AJAP1: variants seen among roughly 807,000 people sequenced by gnomAD.
AJAP1 encodes the protein adherens junctions associated protein 1, also known as adherens junction-associated protein 1.
A neutral mutation model predicts 35.0 loss-of-function variants in AJAP1; 5 were observed. The ratio of observed to expected loss-of-function variants is 0.14; its 90% confidence interval spans 0.07 to 0.30. The LOEUF is 0.30. Ranked by LOEUF, AJAP1 falls within the 10% of genes least tolerant of loss-of-function variation. The pLI is 1.00. For missense variants in AJAP1, 586 were observed against 571.0 expected (o/e 1.03, Z -0.27); for synonymous variants, 284 against 249.3 (o/e 1.14, Z -1.31).
chr1:4,703,938 C>T (rs916656066), intron 1 of AJAP1, among the ~76,000 whole-genome samples: 5 of 152,196 alleles, frequency 3.3e-5, no homozygotes, highest in Non-Finnish European at 4.4e-5. Flanking sequence ...GGCTGTCTGC[C>T]CTCCGGATGG....
intron 2 of AJAP1, among the ~76,000 whole-genome samples, chr1:4,764,000 G>C (rs1444256059): frequency 6.6e-6 from 1 of 151,922 alleles, no homozygotes; most frequent in East Asian, 1.9e-4. Flanking sequence ...CCACTGACCT[G>C]AACCCCCTGT....
chr1:4,778,076 G>A (rs935654609), intron 5 of AJAP1, among the ~76,000 whole-genome samples: 5 of 152,154 alleles, frequency 3.3e-5, no homozygotes, highest in Non-Finnish European at 5.9e-5. Flanking sequence ...TTTTGCAAAA[G>A]CAGACAGTGG....
chr1:4,655,578 G>A lies in AJAP1; in HGVS notation c.29+124G>A, dbSNP rs1638859948. On this transcript the variant is annotated intron_variant, in intron 1 of 5. Coordinates refer to ENST00000378191, the MANE Select transcript of AJAP1 (RefSeq NM_018836.4). This position sits in a 1 kb window ranked among gnomAD's most constrained non-coding sequence, Gnocchi z 6.9. ...TTCGCTTCCCGCAAGCGGGCAACGG[G>A]GTGCACCGGTAGCCGGAAAGGGGCG... 1.6e-6 allele frequency: 2 copies of A among 1,248,384 alleles called. No individual in the cohort carries two copies. The highest frequency in any genetic ancestry group is 1.6e-5 in the African/African-American group (1 of 63,068). 77.3% of individuals were successfully genotyped at this position (1,248,384 alleles called of 1,614,324 possible).
chr1:4,733,059 T>C (rs1276649424), intron 2 of AJAP1, among the ~76,000 whole-genome samples: 2 of 152,186 alleles, frequency 1.3e-5, no homozygotes, highest in African/African-American at 4.8e-5. Context: ...ATTAAGAAGC[T>C]GTTAAAATGC....
chr1:4,712,303 GC>G lies in AJAP1; in HGVS notation c.437del (p.Pro146ArgfsTer7). On this transcript the variant is annotated frameshift_variant, in exon 2 of 6. Coordinates refer to ENST00000378191, the MANE Select transcript of AJAP1 (RefSeq NM_018836.4). LOFTEE classifies it high-confidence loss of function. ...SSSSSAVAGG[A>X]PEQQALLRRG... Reference sequence around the variant, plus strand: ...CTCGTCCTCCGCGGTGGCCGGTGGGGCCCCGGAGCAGCAGGCCCTCCTGAGG... The same window carrying G: ...CTCGTCCTCCGCGGTGGCCGGTGGGGCCCGGAGCAGCAGGCCCTCCTGAGG... 1.3e-6 allele frequency: 2 copies of G among 1,491,772 alleles called. No individual in the cohort carries two copies. Among genetic ancestry groups the G allele is most frequent in the Non-Finnish European group, 1.8e-6 (2 of 1,121,818 alleles). 92.4% of individuals were successfully genotyped at this position (1,491,772 alleles called of 1,614,324 possible).
At chr1:4,727,419 C>T (rs1640690881) in intron 2 of AJAP1, among the ~76,000 whole-genome samples, 1 of 152,206 alleles carries the variant, frequency 6.6e-6, no homozygotes, top group African/African-American at 2.4e-5. Flanking sequence ...CCTTAAATGG[C>T]GTTGACTGCA....
chr1:4,748,423 G>T (rs576674397), intron 2 of AJAP1, among the ~76,000 whole-genome samples: 1 of 152,270 alleles, frequency 6.6e-6, no homozygotes, highest in Admixed American at 6.5e-5. Flanking sequence ...CTCTGTGACT[G>T]GTAGTCACGA....
chr1:4,722,739 A>C (rs938882285), intron 2 of AJAP1, among the ~76,000 whole-genome samples: 2 of 152,040 alleles, frequency 1.3e-5, no homozygotes, highest in African/African-American at 2.4e-5. Flanking sequence ...GCATCTCCAC[A>C]TGGCTGTCTC....
chr1:4,662,002 G>A (rs1338594231), intron 1 of AJAP1, among the ~76,000 whole-genome samples: 2 of 152,026 alleles, frequency 1.3e-5, no homozygotes, highest in African/African-American at 4.8e-5. Context: ...GAGAAAGTTG[G>A]GTTTAGCATA....
chr1:4,682,675 G>A (rs1045447982), intron 1 of AJAP1, among the ~76,000 whole-genome samples: 2 of 152,176 alleles, frequency 1.3e-5, no homozygotes, highest in African/African-American at 2.4e-5. Flanking sequence ...ATGTGATGAT[G>A]GTGATGATGA....
At chr1:4,745,484 G>C (rs971396983) in intron 2 of AJAP1, among the ~76,000 whole-genome samples, 12 of 152,148 alleles carry the variant, frequency 7.9e-5, no homozygotes, top group Non-Finnish European at 4.4e-5. Context: ...ATAAAGCTCC[G>C]CTCCACAGAA....
intron 1 of AJAP1, among the ~76,000 whole-genome samples, chr1:4,709,402 G>A (rs1022724584): frequency 3.3e-5 from 5 of 152,020 alleles, no homozygotes; most frequent in African/African-American, 1.2e-4. Context: ...GTGGAGTGTG[G>A]TGGGGCCTGG....
intron 1 of AJAP1, among the ~76,000 whole-genome samples, chr1:4,660,087 C>T (rs971825678): frequency 3.9e-5 from 6 of 152,222 alleles, no homozygotes; most frequent in Non-Finnish European, 5.9e-5. Context: ...GTCACACTGC[C>T]GGACCGGTAA....
chr1:4,755,131 T>C (rs1354674479), intron 2 of AJAP1, among the ~76,000 whole-genome samples: 4 of 152,296 alleles, frequency 2.6e-5, no homozygotes, highest in Middle Eastern at 6.8e-3. Flanking sequence ...GGGCACCAGG[T>C]GACTGTCCAA....
chr1:4,712,242 C>A lies in AJAP1; in HGVS notation c.372C>A (p.Ala124=). The change falls in exon 2 of 6, where the codon GCC becomes GCA. Residue 124 remains alanine (A), a synonymous_variant. Coordinates refer to ENST00000378191, the MANE Select transcript of AJAP1 (RefSeq NM_018836.4). ...KAGLAKPPAA[A]KSSPSLASSS... is the part of the protein sequence containing the mutation. ...GACTGGCCAAGCCCCCAGCTGCTGC[C>A]AAATCCAGCCCTTCCCTCGCCTCTT... The A allele has an allele frequency of 6.5e-7, 1 of 1,532,274 alleles. No individual in the cohort carries two copies. The highest frequency in any genetic ancestry group is 8.7e-7 in the Non-Finnish European group (1 of 1,147,132). The allele number at this position is 1,532,274 out of a possible 1,614,324, so 94.9% of individuals were successfully genotyped here. A position where few individuals can be genotyped will look rare whatever the true frequency, so the allele number is the denominator to read the frequency against.
chr1:4,746,083 G>T (rs906296894), intron 2 of AJAP1, among the ~76,000 whole-genome samples: 6 of 152,232 alleles, frequency 3.9e-5, no homozygotes, highest in Non-Finnish European at 8.8e-5. Flanking sequence ...GGGACCAGAA[G>T]TCTGAAAGAA....
chr1:4,733,623 G>A (rs559726891), intron 2 of AJAP1, among the ~76,000 whole-genome samples: 11 of 151,730 alleles, frequency 7.2e-5, no homozygotes, highest in Admixed American at 2.6e-4. Flanking sequence ...TGGAAGAATG[G>A]GATGTGGAAC....
At chr1:4,664,969 C>A (rs1273447053) in intron 1 of AJAP1, among the ~76,000 whole-genome samples, 2 of 152,144 alleles carry the variant, frequency 1.3e-5, no homozygotes, top group African/African-American at 4.8e-5. Flanking sequence ...CCTATCTGAA[C>A]CACGATGTCA....
In AJAP1 at chr1:4,756,793, G is replaced by A. The variant is rs550951160; in HGVS notation, c.830-13060G>A. On this transcript the variant is annotated intron_variant, in intron 2 of 5. Coordinates refer to ENST00000378191, the MANE Select transcript of AJAP1 (RefSeq NM_018836.4). The stretch of plus-strand genomic sequence containing the variant: ...TTGTGACTCTCCAGGAGGGAACTAA[G>A]CTTCCTACAAAGAATTCCCACCTTG... 3.9e-5 allele frequency among the ~76,000 whole-genome samples: 6 copies of A among 152,358 alleles called. No homozygotes were observed. The South Asian group carries it at 1.0e-3, about 26-fold the overall frequency.
Sources: gnomAD v4.1 joint callset for allele counts (sites outside exome capture counted in the v4.1 genomes callset) on GRCh38, gnomAD v4.1.1 for gene constraint, Gnocchi (gnomAD v3.1) non-coding constraint, MANE v1.5 for transcripts, NCBI Gene and HGNC (gene_info 2026-07-23, HGNC 2026-07-21) for gene names.